Variants in PLXDC2 observed in about 807,000 individuals in gnomAD.
The protein encoded by PLXDC2 is plexin domain containing 2, also known as plexin domain-containing protein 2.
Under a neutral mutation model 68.9 loss-of-function variants are expected in PLXDC2, and 40 were observed. That is an observed-to-expected ratio of 0.58 (90% CI 0.45 to 0.76). The LOEUF (loss-of-function observed/expected upper bound fraction) is 0.76, where lower values mean the gene tolerates loss of function less well. PLXDC2 is among the 30% of genes least tolerant of loss of function. The pLI is 0.00. For synonymous variants in PLXDC2, 243 were observed against 234.2 expected (o/e 1.04, Z -0.34); for missense variants, 644 against 661.9 (o/e 0.97, Z 0.30).
chr10:20,007,225 A>G (rs939066941), intron 2 of PLXDC2, among the ~76,000 whole-genome samples: 3 of 152,188 alleles, frequency 2.0e-5, no homozygotes, highest in African/African-American at 7.2e-5. Context: ...ATTATCTGGC[A>G]TGAAGCTCTC....
intron 1 of PLXDC2, among the ~76,000 whole-genome samples, chr10:19,935,276 A>G (rs955797009): frequency 6.6e-6 from 1 of 152,158 alleles, no homozygotes; most frequent in Non-Finnish European, 1.5e-5. Flanking sequence ...GCTTTGAGTA[A>G]CAGGCTGGCC....
chr10:20,227,995 C>A (rs146083062), intron 12 of PLXDC2, among the ~76,000 whole-genome samples: 122 of 152,022 alleles, frequency 8.0e-4, no homozygotes, highest in Non-Finnish European at 1.5e-3. Context: ...AGGAAAGTGA[C>A]GAAGGTGGTT....
intron 4 of PLXDC2, among the ~76,000 whole-genome samples, chr10:20,087,042 G>T (rs1050878766): frequency 6.6e-6 from 1 of 152,132 alleles, no homozygotes; most frequent in African/African-American, 2.4e-5. Context: ...CCCTAATTCT[G>T]AAGACGCAAC....
intron 4 of PLXDC2, among the ~76,000 whole-genome samples, chr10:20,141,581 A>G (rs1834007654): frequency 6.6e-6 from 1 of 152,180 alleles, no homozygotes; most frequent in Middle Eastern, 3.4e-3. Flanking sequence ...CTCTTCAGAG[A>G]TGGTATCTAT....
intron 1 of PLXDC2, among the ~76,000 whole-genome samples, chr10:19,835,121 C>A (rs1267884938): frequency 2.0e-5 from 3 of 152,144 alleles, no homozygotes; most frequent in Non-Finnish European, 2.9e-5. Flanking sequence ...CAAGAGCAGG[C>A]ACAAGATTAG....
rs113981468 is a variant in PLXDC2 at position 19,905,988 on chromosome 10, T to C, written c.112+88797T>C. Reference sequence around the variant, plus strand: ...GGGCCCTGTTCTAGTGTTGAAGAGATACAATAGTGGAAAAAAAAAAACAAC... The same window carrying C: ...GGGCCCTGTTCTAGTGTTGAAGAGACACAATAGTGGAAAAAAAAAAACAAC... On this transcript the variant is annotated intron_variant, in intron 1 of 13. Coordinates refer to ENST00000377252, the MANE Select transcript of PLXDC2 (RefSeq NM_032812.9). Among the ~76,000 whole-genome samples the C allele has an allele frequency of 6.0e-3, 898 of 149,860 alleles. 9 individuals are homozygous for C. The highest frequency in any genetic ancestry group is 0.021 in the African/African-American group (853 of 40,526).
intron 1 of PLXDC2, among the ~76,000 whole-genome samples, chr10:19,829,709 C>CA (rs1836650296): frequency 6.6e-6 from 1 of 151,794 alleles, no homozygotes; most frequent in Non-Finnish European, 1.5e-5. Flanking sequence ...GCCTAGGCAA[C>CA]AGAGTGAGAC....
At chr10:19,846,553 G>T (rs1306882170) in intron 1 of PLXDC2, among the ~76,000 whole-genome samples, 1 of 151,822 alleles carries the variant, frequency 6.6e-6, no homozygotes, top group Non-Finnish European at 1.5e-5. Context: ...AAACTTTTTT[G>T]GTCCATTACA....
At chr10:20,130,305 T>C (rs1833850297) in intron 4 of PLXDC2, among the ~76,000 whole-genome samples, 1 of 152,130 alleles carries the variant, frequency 6.6e-6, no homozygotes, top group African/African-American at 2.4e-5. Flanking sequence ...TTTTGGATAG[T>C]TTGTTGTTAG....
chr10:19,906,139 A>C (rs191102595), intron 1 of PLXDC2, among the ~76,000 whole-genome samples: 5 of 152,168 alleles, frequency 3.3e-5, no homozygotes, highest in African/African-American at 1.2e-4. Flanking sequence ...GAGAGGGACT[A>C]AAGTGTGAGT....
chr10:20,123,054 C>A lies in PLXDC2; in HGVS notation c.542-20241C>A, dbSNP rs189068881. Among the ~76,000 whole-genome samples, 1,102 of 152,188 alleles carry A rather than the reference C, an allele frequency of 7.2e-3. 21 individuals are homozygous for A. Among genetic ancestry groups the A allele is most frequent in the African/African-American group, 0.026 (1,068 of 41,518 alleles). ...TTGACTATGCCTTTAGCTCCAGCCACCTTTTTAAGAGTAAATTGCTGGGCA... is the reference window on the plus strand; with the variant it reads ...TTGACTATGCCTTTAGCTCCAGCCAACTTTTTAAGAGTAAATTGCTGGGCA... On this transcript the variant is annotated intron_variant, in intron 4 of 13. Transcript: ENST00000377252.
At chr10:20,035,541 C>G (rs1835562608) in intron 2 of PLXDC2, among the ~76,000 whole-genome samples, 2 of 151,712 alleles carry the variant, frequency 1.3e-5, no homozygotes, top group Admixed American at 6.6e-5. Context: ...TACTAAAACA[C>G]AAAAATTAGC....
chr10:20,249,492 C>G (rs113094063), intron 13 of PLXDC2, among the ~76,000 whole-genome samples: 6,038 of 152,208 alleles, frequency 0.04, 355 homozygotes, highest in African/African-American at 0.13. Context: ...CTTCCACATG[C>G]CGCATGTGTT....
At chr10:20,101,112 A>G (rs771383064) in intron 4 of PLXDC2, among the ~76,000 whole-genome samples, 21 of 152,186 alleles carry the variant, frequency 1.4e-4, no homozygotes, top group East Asian at 1.9e-4. Context: ...TGTGACAGAG[A>G]TAAGTATTGA....
intron 1 of PLXDC2, among the ~76,000 whole-genome samples, chr10:19,850,714 C>T (rs1837100214): frequency 6.6e-6 from 1 of 152,122 alleles, no homozygotes; most frequent in South Asian, 2.1e-4. Context: ...CTGTACACTG[C>T]ACTTTAGGAA....
intron 1 of PLXDC2, among the ~76,000 whole-genome samples, chr10:19,974,285 C>T (rs377049784): frequency 2.6e-5 from 4 of 152,350 alleles, no homozygotes; most frequent in African/African-American, 9.6e-5. Context: ...TCAACAAAAT[C>T]AACTTATTGC....
At chr10:19,944,186 G>T (rs777366686) in intron 1 of PLXDC2, among the ~76,000 whole-genome samples, 1 of 152,014 alleles carries the variant, frequency 6.6e-6, no homozygotes, top group Non-Finnish European at 1.5e-5. Flanking sequence ...ATATTCTCCC[G>T]AAGAATAGAG....
intron 1 of PLXDC2, among the ~76,000 whole-genome samples, chr10:19,870,503 G>T (rs1370717232): frequency 1.3e-5 from 2 of 151,940 alleles, no homozygotes; most frequent in South Asian, 2.1e-4. Flanking sequence ...TCACCTCACT[G>T]CAATCTCTGC....
At position 19,987,329 on chromosome 10, in the gene PLXDC2, C is replaced by A. The variant is rs181380915; in HGVS notation, c.113-14446C>A. 1.9e-3 allele frequency among the ~76,000 whole-genome samples: 289 copies of A among 152,130 alleles called. 1 individual carries two copies. Among genetic ancestry groups the A allele is most frequent in the Admixed American group, 3.1e-3 (47 of 15,270 alleles). On this transcript the variant is annotated intron_variant, in intron 1 of 13. Transcript: ENST00000377252. ...CTAAATACCTAAACAATGTCGCTTTCTTTTTTCCTTTTCCTAGTTTGTTAA... is the reference window on the plus strand; with the variant it reads ...CTAAATACCTAAACAATGTCGCTTTATTTTTTCCTTTTCCTAGTTTGTTAA...
Sources: gnomAD v4.1 joint callset for allele counts (sites outside exome capture counted in the v4.1 genomes callset) on GRCh38, gnomAD v4.1.1 for gene constraint, MANE v1.5 for transcripts, NCBI Gene and HGNC (gene_info 2026-07-23, HGNC 2026-07-21) for gene names.